The following CSNK1G2 variants were observed in gnomAD, a reference collection of about 807,000 sequenced individuals.
CSNK1G2 encodes casein kinase 1 gamma 2, also known as casein kinase I isoform gamma-2.
In CSNK1G2, 11 loss-of-function variants were observed where a neutral mutation model predicts 48.0. The observed-to-expected ratio is 0.23, with a 90% confidence interval of 0.14 to 0.38. The LOEUF (loss-of-function observed/expected upper bound fraction) is 0.38. Ranked by LOEUF, CSNK1G2 falls within the 10% of genes least tolerant of loss-of-function variation. The pLI is 1.00. For missense variants in CSNK1G2, 446 were observed against 595.5 expected, an observed-to-expected ratio of 0.75 and a Z score of 2.61; for synonymous variants, 337 against 254.1, an observed-to-expected ratio of 1.33 and a Z score of -3.10.
chr19:1,973,889 A>T (rs2015661366), intron 2 of CSNK1G2, among the ~76,000 whole-genome samples: 2 of 151,674 alleles, frequency 1.3e-5, no homozygotes, highest in African/African-American at 2.4e-5. Context: ...ATTTTTATTT[A>T]TTATTTATTA....
intron 1 of CSNK1G2, among the ~76,000 whole-genome samples, chr19:1,964,100 A>G (rs895954651): frequency 3.3e-5 from 5 of 152,176 alleles, no homozygotes; most frequent in Admixed American, 6.5e-5. Flanking sequence ...CTGGGATTAC[A>G]GGCATGAGCC....
At chr19:1,946,304 T>TATTTATTA (rs1353413909) in intron 1 of CSNK1G2, among the ~76,000 whole-genome samples, 2 of 57,428 alleles carry the variant, frequency 3.5e-5, no homozygotes, top group Non-Finnish European at 1.1e-4. Flanking sequence ...TTTATTTATT[T>TATTTATTA]TTTTTAAGAT....
rs1568207697 is a variant in CSNK1G2, at chr19:1,979,753, C to T, written c.1004C>T (p.Pro335Leu). 6.2e-7 allele frequency: 1 copy of T among 1,605,488 alleles called. No homozygotes were observed. ...TGACCCCTGCTCCCTCACCCACAGC[C>T]GACCCCCATCGGCACCGTCCACACC... The part of the protein sequence containing the change: ...YEYDWAGKPL[P>L]TPIGTVHTDL... The change falls in exon 10 of 12, where the codon CCG (proline) becomes CTG (leucine). Residue 335 changes from proline to leucine, a missense_variant and splice_region_variant. This residue lies in a region of CSNK1G2 where 188 missense variants were observed against 179.6 expected (regional missense o/e 1.05). Transcript: ENST00000255641.
intron 2 of CSNK1G2, among the ~76,000 whole-genome samples, chr19:1,970,258 G>A (rs1027941319): frequency 2.0e-5 from 3 of 152,272 alleles, no homozygotes; most frequent in Non-Finnish European, 4.4e-5. Context: ...ATGTTAAGTT[G>A]TGAATGACTT....
At chr19:1,973,929 C>G (rs2015662962) in intron 2 of CSNK1G2, among the ~76,000 whole-genome samples, 1 of 151,848 alleles carries the variant, frequency 6.6e-6, no homozygotes, top group African/African-American at 2.4e-5. Context: ...GCTCTGTTGC[C>G]CAGGCTGGAG....
chr19:1,959,568 G>A (rs35519102), intron 1 of CSNK1G2, among the ~76,000 whole-genome samples: 4,277 of 96,020 alleles, frequency 0.045, 81 homozygotes, highest in African/African-American at 0.13. Context: ...TGCCACCGTG[G>A]GTCCCCCAGC....
In CSNK1G2 at chr19:1,949,481, C is replaced by T. The variant is rs146665888; in HGVS notation, c.-266+8063C>T. Among the ~76,000 whole-genome samples, 235 of 152,374 alleles carry T rather than the reference C, an allele frequency of 1.5e-3. 1 individual carries two copies. Among genetic ancestry groups the T allele is most frequent in the African/African-American group, 5.2e-3 (218 of 41,584 alleles). On this transcript the variant is annotated intron_variant, in intron 1 of 11. Transcript: ENST00000255641. ...CGCCATGGCCCGCGTCCGAGTCTCG[C>T]TCCTGTTCGTGGCTGAGTCGTGTTC...
intron 2 of CSNK1G2, among the ~76,000 whole-genome samples, chr19:1,971,695 G>T (rs1021467654): frequency 1.3e-5 from 2 of 152,142 alleles, no homozygotes. Flanking sequence ...TCCTGTCCTT[G>T]GGCGGCGGTT....
rs2015045063 is a variant in CSNK1G2 at position 1,957,678 on chromosome 19, C to T, written c.-265-11830C>T. Among the ~76,000 whole-genome samples, 2 of 152,140 alleles carry T rather than the reference C, an allele frequency of 1.3e-5. No individual in the cohort carries two copies. The highest frequency in any genetic ancestry group is 6.5e-5 in the Admixed American group (1 of 15,284). On this transcript the variant is annotated intron_variant, in intron 1 of 11. Transcript: ENST00000255641. This position sits in a 1 kb window ranked among gnomAD's most constrained non-coding sequence, Gnocchi z 5.4. ...AGAGACTGGAGGGTGCGCAGGACCC[C>T]GGGTGACTGCAGACGTGGGCACAGA...
rs146829541 is a variant in CSNK1G2, at chr19:1,957,926, C to T, written c.-265-11582C>T. On this transcript the variant is annotated intron_variant, in intron 1 of 11. Coordinates refer to ENST00000255641, the MANE Select transcript of CSNK1G2 (RefSeq NM_001319.7). This position sits in a 1 kb window ranked among gnomAD's most constrained non-coding sequence, Gnocchi z 5.4. ...CTTAGGGCCCCCTGGAGCTGCGGGGCACACGGCAGAGCCAGCCTCATGTCA... is the reference window on the plus strand; with the variant it reads ...CTTAGGGCCCCCTGGAGCTGCGGGGTACACGGCAGAGCCAGCCTCATGTCA... Among the ~76,000 whole-genome samples, 1 of 152,208 alleles carries T rather than the reference C, an allele frequency of 6.6e-6. No homozygotes were observed. The highest frequency in any genetic ancestry group is 1.9e-4 in the East Asian group (1 of 5,174).
chr19:1,975,999 C>A, intron 2 of CSNK1G2: 1 of 1,153,620 alleles, frequency 8.7e-7, no homozygotes, highest in Non-Finnish European at 1.2e-6. Context: ...CGCGCCAGTG[C>A]ACTCCAGCCT....
At position 1,962,074 on chromosome 19, in the gene CSNK1G2, A is replaced by C. The variant is rs141206114; in HGVS notation, c.-265-7434A>C. Among the ~76,000 whole-genome samples the C allele has an allele frequency of 6.4e-4, 97 of 152,356 alleles. 1 individual carries two copies. The East Asian group carries it at 0.017, about 26-fold the overall frequency. The stretch of plus-strand genomic sequence containing the variant: ...GCCAGGCGCGGTGGCTCACGCCTGT[A>C]ATCCCAACACTTTGGGAGGCCGAGG... On this transcript the variant is annotated intron_variant, in intron 1 of 11. Transcript: ENST00000255641.
rs190448026 is a variant in CSNK1G2 at position 1,976,776 on chromosome 19, G to A, written c.188-1529G>A. 3.7e-3 allele frequency among the ~76,000 whole-genome samples: 541 copies of A among 146,792 alleles called. 2 individuals are homozygous for A. Among genetic ancestry groups the A allele is most frequent in the Middle Eastern group, 6.9e-3 (2 of 288 alleles). ...TTTTTTGAGACAGAGTTTCTCTCTT[G>A]TTGCCCAGGCTGGAGTGCAATGGCA... On this transcript the variant is annotated intron_variant, in intron 2 of 11. Coordinates refer to ENST00000255641, the MANE Select transcript of CSNK1G2 (RefSeq NM_001319.7).
chr19:1,965,940 G>A (rs528807442), intron 1 of CSNK1G2, among the ~76,000 whole-genome samples: 1 of 152,086 alleles, frequency 6.6e-6, no homozygotes, highest in South Asian at 2.1e-4. Flanking sequence ...AGGACCACAG[G>A]TGCGCACCGC....
At chr19:1,963,511 C>T (rs538680720) in intron 1 of CSNK1G2, among the ~76,000 whole-genome samples, 5 of 151,918 alleles carry the variant, frequency 3.3e-5, no homozygotes, top group Non-Finnish European at 7.4e-5. Flanking sequence ...CGCGCCCAGC[C>T]TATTTTCTTT....
At chr19:1,950,715 C>T (rs1157540650) in intron 1 of CSNK1G2, among the ~76,000 whole-genome samples, 2 of 145,222 alleles carry the variant, frequency 1.4e-5, no homozygotes, top group Non-Finnish European at 3.0e-5. Flanking sequence ...GGCACCTTCT[C>T]GTGCCCCAGA....
chr19:1,949,045 C>T (rs1176717895), intron 1 of CSNK1G2, among the ~76,000 whole-genome samples: 3 of 152,196 alleles, frequency 2.0e-5, no homozygotes, highest in Non-Finnish European at 2.9e-5. Context: ...TCTCGGGTGG[C>T]AGAGCGGGAA....
intron 2 of CSNK1G2, among the ~76,000 whole-genome samples, chr19:1,973,967 A>G (rs1471242474): frequency 3.9e-5 from 6 of 152,000 alleles, no homozygotes; most frequent in Non-Finnish European, 8.8e-5. Context: ...GGCTCACCAC[A>G]ACCTCCGCCT....
intron 1 of CSNK1G2, among the ~76,000 whole-genome samples, chr19:1,964,664 A>G (rs930010594): frequency 6.6e-6 from 1 of 152,082 alleles, no homozygotes; most frequent in African/African-American, 2.4e-5. Context: ...TCTGTTTAAC[A>G]CCTGGCTTAT....
Sources: gnomAD v4.1 joint callset for allele counts (sites outside exome capture counted in the v4.1 genomes callset) on GRCh38, gnomAD v4.1.1 for gene constraint, gnomAD v4.1.1 regional missense constraint, Gnocchi (gnomAD v3.1) non-coding constraint, MANE v1.5 for transcripts, NCBI Gene and HGNC (gene_info 2026-07-23, HGNC 2026-07-21) for gene names.